The following GOLGA5 variants were observed in gnomAD, a reference collection of about 807,000 sequenced individuals.
GOLGA5 encodes the protein golgin A5, also known as golgin subfamily A member 5.
GOLGA5 carries 50 observed loss-of-function variants against 93.5 expected under a neutral mutation model. The observed-to-expected ratio is 0.53, with a 90% CI of 0.43 to 0.68. GOLGA5 has a LOEUF of 0.68. Ranked by LOEUF, GOLGA5 falls within the 30% of genes least tolerant of loss-of-function variation. The pLI, the probability that GOLGA5 is intolerant of heterozygous loss-of-function variation, is 0.00. For missense variants in GOLGA5, 760 were observed against 856.4 expected, an observed-to-expected ratio of 0.89 and a Z score of 1.40; for synonymous variants, 312 against 304.5, an observed-to-expected ratio of 1.02 and a Z score of -0.26.
At chr14:92,807,427 G>A (rs896357778) in intron 3 of GOLGA5, among the ~76,000 whole-genome samples, 3 of 152,156 alleles carry the variant, frequency 2.0e-5, no homozygotes, top group Non-Finnish European at 2.9e-5. Context: ...TAGAAAAACT[G>A]CCCAGATTTG....
intron 12 of GOLGA5, 21 bp from the exon 13 acceptor site, chr14:92,839,345 A>G (rs755596577): frequency 2.5e-6 from 4 of 1,581,266 alleles, no homozygotes; most frequent in Non-Finnish European, 3.5e-6. Context: ...CTAATCCACA[A>G]ATTGCTTTTT....
intron 6 of GOLGA5, among the ~76,000 whole-genome samples, chr14:92,814,026 A>G (rs926566470): frequency 4.6e-5 from 7 of 152,070 alleles, no homozygotes; most frequent in African/African-American, 1.7e-4. Flanking sequence ...ATAAAAGGGG[A>G]AACAGGAAAG....
Position 92,811,645 on chromosome 14 carries a change from A to G in GOLGA5, c.1211A>G (p.Lys404Arg). ...TLAERKYSDEKKRVDELQQQV... is the reference protein window; with the variant it reads ...TLAERKYSDERKRVDELQQQV... ...GCCGAAAGAAAATACTCAGATGAGAAGAAGAGGGTTGATGAACTGCAGCAG... is the reference window on the plus strand; with the variant it reads ...GCCGAAAGAAAATACTCAGATGAGAGGAAGAGGGTTGATGAACTGCAGCAG... Residue 404 changes from lysine (K) to arginine (R), a missense_variant, in exon 6 of 13, where the codon AAG (lysine) becomes AGG (arginine). Coordinates refer to ENST00000163416, the MANE Select transcript of GOLGA5 (RefSeq NM_005113.4). The G allele has an allele frequency of 6.2e-7, 1 of 1,612,450 alleles. No individual in the cohort carries two copies. Among genetic ancestry groups the G allele is most frequent in the Non-Finnish European group, 8.5e-7 (1 of 1,178,770 alleles).
At chr14:92,797,180 T>C (rs2140309733) in intron 1 of GOLGA5, among the ~76,000 whole-genome samples, 1 of 152,254 alleles carries the variant, frequency 6.6e-6, no homozygotes, top group Middle Eastern at 3.4e-3. Context: ...AAGTGTTTTT[T>C]ATATATTATT....
chr14:92,816,914 T>TCTTTCCTTC (rs200777792), intron 7 of GOLGA5, among the ~76,000 whole-genome samples: 468 of 151,874 alleles, frequency 3.1e-3, no homozygotes, highest in Middle Eastern at 0.014. Context: ...TTCTCTCCTT[T>TCTTTCCTTC]CTTTCCTTCC....
Position 92,809,460 on chromosome 14 carries a change from T to C in GOLGA5, c.933T>C (p.Ala311=), listed in dbSNP as rs749428312. The C allele has an allele frequency of 3.1e-6, 5 of 1,614,042 alleles. No homozygotes were observed. The South Asian group carries it at 5.5e-5, about 18-fold the overall frequency. The change falls in exon 4 of 13, where the codon GCT becomes GCC. Residue 311 remains alanine (A), a synonymous_variant. Coordinates refer to ENST00000163416, the MANE Select transcript of GOLGA5 (RefSeq NM_005113.4). Reference sequence around the variant, plus strand: ...TACTGAAAGTGAGACTCCAGGAAGCTGACCAGCTACTGAGTACTCGCACAG... The same window carrying C: ...TACTGAAAGTGAGACTCCAGGAAGCCGACCAGCTACTGAGTACTCGCACAG... The part of the protein sequence containing the change: ...LAVLKVRLQE[A]DQLLSTRTEA...
chr14:92,835,875 G>A (rs927714965), intron 11 of GOLGA5, among the ~76,000 whole-genome samples: 12 of 152,066 alleles, frequency 7.9e-5, no homozygotes, highest in African/African-American at 1.2e-4. Flanking sequence ...GAAATATCAT[G>A]TCAGAAATTA....
At position 92,839,356 on chromosome 14, in the gene GOLGA5, C is replaced by T; in HGVS notation, c.2116-10C>T. 6.2e-7 allele frequency: 1 copy of T among 1,605,306 alleles called. No homozygotes were observed. Among genetic ancestry groups the T allele is most frequent in the African/African-American group, 1.3e-5 (1 of 74,848 alleles). On this transcript the variant is annotated splice_polypyrimidine_tract_variant and intron_variant, in intron 12 of 12. Coordinates refer to ENST00000163416, the MANE Select transcript of GOLGA5 (RefSeq NM_005113.4). The stretch of plus-strand genomic sequence containing the variant: ...TTGGCTAATCCACAAATTGCTTTTT[C>T]TTTCTCTAGGCTTTGCTTCACCTCT...
rs780170792 is a variant in GOLGA5 at position 92,811,684 on chromosome 14, A to G, written c.1250A>G (p.Tyr417Cys). The part of the protein sequence containing the change: ...VDELQQQVKL[Y>C]KLNLESSKQE... ...GAACTGCAGCAGCAAGTCAAGCTGT[A>G]TAAGTTGAACTTGGAGTCCTCTAAG... Residue 417 changes from tyrosine to cysteine, a missense_variant, in exon 6 of 13, where the codon TAT becomes TGT. Transcript: ENST00000163416. The G allele has an allele frequency of 2.0e-5, 33 of 1,613,046 alleles. No individual in the cohort carries two copies. Among genetic ancestry groups the G allele is most frequent in the East Asian group, 4.5e-5 (2 of 44,888 alleles).
chr14:92,833,489 T>C (rs187560222), intron 10 of GOLGA5, 142 bp downstream of exon 10: 1 of 624,974 alleles, frequency 1.6e-6, no homozygotes, highest in Non-Finnish European at 2.9e-6. Flanking sequence ...ACGTACTGTT[T>C]AGTATTGTTA....
intron 8 of GOLGA5, among the ~76,000 whole-genome samples, chr14:92,823,123 A>G (rs1885348610): frequency 6.6e-6 from 1 of 152,190 alleles, no homozygotes; most frequent in Non-Finnish European, 1.5e-5. Flanking sequence ...TTGATTTATT[A>G]GGAATTTACT....
intron 1 of GOLGA5, among the ~76,000 whole-genome samples, chr14:92,795,922 G>A (rs1884716404): frequency 6.6e-6 from 1 of 152,156 alleles, no homozygotes; most frequent in South Asian, 2.1e-4. Flanking sequence ...TTCTAGAAAT[G>A]GTTGTGGACT....
At chr14:92,831,816 A>G (rs937082194) in intron 9 of GOLGA5, among the ~76,000 whole-genome samples, 1 of 152,028 alleles carries the variant, frequency 6.6e-6, no homozygotes, top group Non-Finnish European at 1.5e-5. Context: ...TTCATAAGAA[A>G]GGAAGCTAAT....
intron 2 of GOLGA5, among the ~76,000 whole-genome samples, chr14:92,801,585 A>G (rs545421667): frequency 2.0e-5 from 3 of 152,030 alleles, no homozygotes; most frequent in East Asian, 3.9e-4. Context: ...CCCTCTGTCT[A>G]TGGCATCTCA....
Position 92,797,862 on chromosome 14 carries a change from A to C in GOLGA5, c.425A>C (p.Lys142Thr), listed in dbSNP as rs751560647. 6.2e-7 allele frequency: 1 copy of C among 1,613,986 alleles called. No individual in the cohort carries two copies. Among genetic ancestry groups the C allele is most frequent in the Non-Finnish European group, 8.5e-7 (1 of 1,179,838 alleles). ...CCTACCGGGAGGGTGGAAATCAGAA[A>C]GGAAAAAGGCAAGACACCTGTCTTT... ...KEPTGRVEIR[K>T]EKGKTPVFQS... The change falls in exon 2 of 13, where the codon AAG (lysine) becomes ACG (threonine). Residue 142 changes from lysine (K) to threonine (T), a missense_variant. Physicochemically the swap from Lys to Thr is moderately conservative, Grantham distance 78. Transcript: ENST00000163416.
intron 9 of GOLGA5, among the ~76,000 whole-genome samples, chr14:92,827,959 T>C (rs1443937935): frequency 6.6e-6 from 1 of 152,144 alleles, no homozygotes; most frequent in Non-Finnish European, 1.5e-5. Context: ...GAAGAGAAGT[T>C]TGAAGCTAGC....
intron 7 of GOLGA5, among the ~76,000 whole-genome samples, chr14:92,817,493 T>C (rs1291451567): frequency 6.6e-6 from 1 of 152,204 alleles, no homozygotes; most frequent in Non-Finnish European, 1.5e-5. Flanking sequence ...CTTATTCTTA[T>C]AATTTATAGT....
At chr14:92,820,581 C>T (rs911467489) in intron 8 of GOLGA5, among the ~76,000 whole-genome samples, 3 of 152,156 alleles carry the variant, frequency 2.0e-5, no homozygotes, top group Non-Finnish European at 2.9e-5. Context: ...GGCTGGGGGA[C>T]GGTCAGGTCT....
At chr14:92,837,084 A>T (rs919263082) in intron 11 of GOLGA5, among the ~76,000 whole-genome samples, 2 of 152,074 alleles carry the variant, frequency 1.3e-5, no homozygotes, top group Admixed American at 1.3e-4. Context: ...AAAAAAAAAA[A>T]ATTAGGGATC....
Sources: allele counts gnomAD v4.1 joint callset (sites outside exome capture counted in the v4.1 genomes callset), GRCh38; gene constraint gnomAD v4.1.1; transcripts MANE v1.5; gene names NCBI Gene and HGNC (gene_info 2026-07-23, HGNC 2026-07-21).